Variants in HOMER2 observed in about 807,000 individuals in gnomAD.
HOMER2 encodes homer protein homolog 2.
In HOMER2, 27 loss-of-function variants were observed where a neutral mutation model predicts 47.0. The observed-to-expected ratio is 0.57, with a 90% CI of 0.42 to 0.79. The LOEUF is 0.79. Ranked by LOEUF, HOMER2 falls within the 30% of genes least tolerant of loss-of-function variation. The probability of loss-of-function intolerance (pLI) is 0.00; values close to 1 mark genes in which losing one functional copy is unlikely to be tolerated. For synonymous variants in HOMER2, 161 were observed against 163.8 expected (o/e 0.98, Z 0.13); for missense variants, 443 against 435.0 (o/e 1.02, Z -0.16).
intron 4 of HOMER2, among the ~76,000 whole-genome samples, chr15:82,863,793 C>G (rs2051872114): frequency 6.6e-6 from 1 of 152,180 alleles, no homozygotes; most frequent in Admixed American, 6.5e-5. Flanking sequence ...GAGATGAACA[C>G]AAGGGCTGTC....
At chr15:82,872,622 C>T (rs2052214418) in intron 3 of HOMER2, among the ~76,000 whole-genome samples, 1 of 152,168 alleles carries the variant, frequency 6.6e-6, no homozygotes, top group Non-Finnish European at 1.5e-5. Context: ...CTTACCCACC[C>T]GAAAATCCTG....
chr15:82,972,653 G>A (rs1411260864), intron 1 of HOMER2, among the ~76,000 whole-genome samples: 1 of 152,000 alleles, frequency 6.6e-6, no homozygotes, highest in African/African-American at 2.4e-5. Flanking sequence ...CTGCACTCCA[G>A]CCTAGGCAAC....
At chr15:82,931,270 G>C (rs1417463199) in intron 1 of HOMER2, among the ~76,000 whole-genome samples, 2 of 152,198 alleles carry the variant, frequency 1.3e-5, no homozygotes, top group Non-Finnish European at 1.5e-5. Context: ...CTCTGCCCTT[G>C]AGAGACAGGC....
downstream of HOMER2, chr15:82,846,735 C>T (rs1200636466): frequency 6.6e-6 from 1 of 152,200 alleles, no homozygotes; most frequent in African/African-American, 2.4e-5. Context: ...TGAGGGGCCA[C>T]ACAAGTTCGA....
chr15:82,965,708 T>C (rs2054667885), intron 1 of HOMER2, among the ~76,000 whole-genome samples: 1 of 151,894 alleles, frequency 6.6e-6, no homozygotes, highest in Non-Finnish European at 1.5e-5. Flanking sequence ...AGGCACACAT[T>C]GGGCTATTAT....
intron 1 of HOMER2, among the ~76,000 whole-genome samples, chr15:82,927,973 CAAAAAAA>C (rs928406358): frequency 2.3e-4 from 13 of 57,328 alleles, no homozygotes; most frequent in Admixed American, 1.2e-3. Context: ...AACTCCGTCT[CAAAAAAA>C]AAAAAAAAAA....
Position 82,854,711 on chromosome 15 carries a change from G to C in HOMER2, c.584C>G (p.Ala195Gly). 1.9e-6 allele frequency: 3 copies of C among 1,612,918 alleles called. No homozygotes were observed. In the South Asian group the frequency reaches 3.3e-5, roughly 18 times the overall value. Reference protein sequence around the residue: ...RLTTALQESAASVEQWKRQFS... With the variant: ...RLTTALQESAGSVEQWKRQFS... ...CTGCCTCTTCCACTGCTCCACACTG[G>C]CTGCCGACTCCTGCAGTGCTGTGGT... The change falls in exon 6 of 9, where the codon GCC becomes GGC. Residue 195 changes from alanine to glycine, a missense_variant. Coordinates refer to ENST00000450735, the MANE Select transcript of HOMER2 (RefSeq NM_004839.4).
chr15:82,862,411 C>T (rs868584532), intron 4 of HOMER2, among the ~76,000 whole-genome samples: 2 of 152,172 alleles, frequency 1.3e-5, no homozygotes, highest in South Asian at 2.1e-4. Context: ...GAAGACTACT[C>T]GAGCCCAGGG....
chr15:82,870,474 A>T (rs1034602856), intron 3 of HOMER2, among the ~76,000 whole-genome samples: 2 of 152,204 alleles, frequency 1.3e-5, no homozygotes, highest in Non-Finnish European at 2.9e-5. Context: ...AAGAAAAAAG[A>T]AACAAATGAA....
chr15:82,929,957 G>A (rs1166700348), intron 1 of HOMER2, among the ~76,000 whole-genome samples: 1 of 151,998 alleles, frequency 6.6e-6, no homozygotes, highest in Non-Finnish European at 1.5e-5. Context: ...CTTGAACTCC[G>A]ACCTCCAGTG....
chr15:82,892,713 T>C lies in HOMER2; in HGVS notation c.134A>G (p.Tyr45Cys), dbSNP rs369841127. 37 of 1,600,312 alleles carry C rather than the reference T, an allele frequency of 2.3e-5. No individual in the cohort carries two copies. The highest frequency in any genetic ancestry group is 3.1e-5 in the Non-Finnish European group (36 of 1,170,296). The change falls in exon 2 of 9, where the codon TAT becomes TGT. Residue 45 changes from tyrosine (Y) to cysteine (C), a missense_variant. Coordinates refer to ENST00000450735, the MANE Select transcript of HOMER2 (RefSeq NM_004839.4). ...SYFYDVTRNS[Y>C]RIISVDGAKV... ...GGCTCCGTCCACACTGATGATCCGA[T>C]AGCTGTTCCTTGTGACATCATAGAA...
intron 2 of HOMER2, among the ~76,000 whole-genome samples, chr15:82,884,734 A>G (rs1172196396): frequency 1.4e-5 from 1 of 72,296 alleles, no homozygotes; most frequent in African/African-American, 8.3e-5. Flanking sequence ...ATTTTTGTAC[A>G]TTGATTTTGT....
At chr15:82,864,409 G>T in intron 3 of HOMER2, 150 bp from the exon 4 acceptor site, 1 of 562,428 alleles carries the variant, frequency 1.8e-6, no homozygotes, top group Non-Finnish European at 3.1e-6. Context: ...TGAATATAAG[G>T]ATGTATATTC....
upstream of HOMER2, chr15:82,952,729 G>A: frequency 4.1e-6 from 4 of 980,554 alleles, no homozygotes; most frequent in Non-Finnish European, 4.8e-6. Context: ...GCGGGCGGGC[G>A]GGGGCTGGGC....
chr15:82,973,732 G>A (rs1000663160), intron 1 of HOMER2, among the ~76,000 whole-genome samples: 3 of 152,162 alleles, frequency 2.0e-5, no homozygotes, highest in Non-Finnish European at 4.4e-5. Context: ...GCTCAGAGAA[G>A]AATCTCAGCA....
intron 1 of HOMER2, among the ~76,000 whole-genome samples, chr15:82,921,064 G>A (rs1480234353): frequency 1.3e-5 from 2 of 152,136 alleles, no homozygotes; most frequent in Non-Finnish European, 2.9e-5. Flanking sequence ...GGAGGCCAAG[G>A]TGGGCAGATC....
At chr15:82,853,636 G>A (rs2051471511) in intron 6 of HOMER2, among the ~76,000 whole-genome samples, 1 of 152,182 alleles carries the variant, frequency 6.6e-6, no homozygotes, top group South Asian at 2.1e-4. Context: ...TGTGTTTCTA[G>A]TGGGAGGATT....
chr15:82,859,633 C>T (rs1469451203), intron 4 of HOMER2, among the ~76,000 whole-genome samples: 2 of 152,176 alleles, frequency 1.3e-5, no homozygotes, highest in Non-Finnish European at 2.9e-5. Context: ...TAGATCAACA[C>T]ATTCATTAAA....
At chr15:82,952,948 C>A (rs185677744), upstream of HOMER2, among the ~76,000 whole-genome samples, 1,650 of 152,244 alleles carry the variant, frequency 0.011, 9 homozygotes, top group Non-Finnish European at 0.017. Flanking sequence ...GGCGCGCCCC[C>A]GCCCCACGCC....
Sources: gnomAD v4.1 joint callset for allele counts (sites outside exome capture counted in the v4.1 genomes callset) on GRCh38, gnomAD v4.1.1 for gene constraint, MANE v1.5 for transcripts, NCBI Gene and HGNC (gene_info 2026-07-23, HGNC 2026-07-21) for gene names.